The following RPRD2 variants were observed in gnomAD, a reference collection of about 807,000 sequenced individuals.
The protein encoded by RPRD2 is regulation of nuclear pre-mRNA domain containing 2, also known as regulation of nuclear pre-mRNA domain-containing protein 2.
In RPRD2, 12 loss-of-function variants were observed where a neutral mutation model predicts 104.4. The ratio of observed to expected loss-of-function variants is 0.11; its 90% confidence interval spans 0.07 to 0.19. RPRD2 has a LOEUF of 0.19. RPRD2 is among the 10% of genes least tolerant of loss of function. The pLI, the probability that RPRD2 is intolerant of heterozygous loss-of-function variation, is 1.00. For synonymous variants in RPRD2, 714 were observed against 684.9 expected (o/e 1.04, Z -0.66); for missense variants, 1,543 against 1,790.1 (o/e 0.86, Z 2.49).
intron 2 of RPRD2, among the ~76,000 whole-genome samples, chr1:150,434,109 C>T (rs1327248230): frequency 1.3e-5 from 2 of 152,138 alleles, no homozygotes; most frequent in African/African-American, 4.8e-5. Context: ...AATCCCAGCA[C>T]TTTGGGAGGC....
rs879946719 is a variant in RPRD2, at chr1:150,365,737, C to T, written c.205+818C>T. ...CGCGAGTAGTCGGGATTACAGGCGC[C>T]CGCCACCATGTCCGGCTAATTATTT... On this transcript the variant is annotated intron_variant, in intron 1 of 10. Coordinates refer to ENST00000369068, the MANE Select transcript of RPRD2 (RefSeq NM_015203.5). 3.6e-4 allele frequency among the ~76,000 whole-genome samples: 54 copies of T among 151,992 alleles called. 2 individuals carry two copies. The highest frequency in any genetic ancestry group is 8.3e-4 in the South Asian group (4 of 4,824).
At position 150,452,661 on chromosome 1, in the gene RPRD2, C is replaced by CCTTTT. The variant is rs1553896876; in HGVS notation, c.871-4627_871-4626insCTTTT. 5.6e-5 allele frequency among the ~76,000 whole-genome samples: 4 copies of CCTTTT among 71,232 alleles called. 1 individual carries two copies. Among genetic ancestry groups the CCTTTT allele is most frequent in the African/African-American group, 1.1e-4 (2 of 17,454 alleles). 46.7% of individuals were successfully genotyped at this position (71,232 alleles called of 152,430 possible). A position where few individuals can be genotyped will look rare whatever the true frequency, so the allele number is the denominator to read the frequency against. ...TTTCTGTGTTCTTTTGACATATCCCCTTTTTTTTTTTTTTTTTTTTTTTTT... is the reference window on the plus strand; with the variant it reads ...TTTCTGTGTTCTTTTGACATATCCCCCTTTTTTTTTTTTTTTTTTTTTTTTTTTTT... On this transcript the variant is annotated intron_variant, in intron 7 of 10. Coordinates refer to ENST00000369068, the MANE Select transcript of RPRD2 (RefSeq NM_015203.5).
chr1:150,416,872 CAAA>C (rs782463847), intron 1 of RPRD2, among the ~76,000 whole-genome samples: 2,871 of 72,458 alleles, frequency 0.04, 137 homozygotes, highest in African/African-American at 0.14. Flanking sequence ...ACTCCATCTC[CAAA>C]AAAAAAAAAA....
In RPRD2 at chr1:150,364,164, G is replaced by C. The variant is rs1034450301; in HGVS notation, c.-551G>C. Among the ~76,000 whole-genome samples the C allele has an allele frequency of 1.3e-5, 2 of 152,176 alleles. No individual in the cohort carries two copies. The highest frequency in any genetic ancestry group is 4.8e-5 in the African/African-American group (2 of 41,456). ...TGCGCGATACTGTTGCTGCCCCTTT[G>C]CTGCTATTGCGTTGCAAAAAAAATC... On this transcript the variant is annotated 5_prime_UTR_variant, in exon 1 of 11. Coordinates refer to ENST00000369068, the MANE Select transcript of RPRD2 (RefSeq NM_015203.5).
At chr1:150,422,877 G>A (rs983219399) in intron 2 of RPRD2, among the ~76,000 whole-genome samples, 9 of 152,120 alleles carry the variant, frequency 5.9e-5, no homozygotes, top group Non-Finnish European at 1.2e-4. Context: ...GTTAAAAGAG[G>A]TGCCCAAATA....
In RPRD2 at chr1:150,384,639, T is replaced by TTGTGTGTG. The variant is rs71086504; in HGVS notation, c.205+19756_205+19763dup. Among the ~76,000 whole-genome samples, 224 of 133,384 alleles carry TTGTGTGTG rather than the reference T, an allele frequency of 1.7e-3. 1 individual carries two copies. Among genetic ancestry groups the TTGTGTGTG allele is most frequent in the African/African-American group, 5.0e-3 (178 of 35,502 alleles). The allele number at this position is 133,384 out of a possible 152,430, so 87.5% of individuals were successfully genotyped here. A position where few individuals can be genotyped will look rare whatever the true frequency, so the allele number is the denominator to read the frequency against. On this transcript the variant is annotated intron_variant, in intron 1 of 10. Transcript: ENST00000369068. ...GCGCCTGCCACCACGCCTGGCTAAT[T>TTGTGTGTG]TGTGTGTGTGTGTGTGTGTGTGTGT...
At position 150,457,404 on chromosome 1, in the gene RPRD2, C is replaced by T. The variant is rs201447633; in HGVS notation, c.987C>T (p.Pro329=). 155 of 1,613,896 alleles carry T rather than the reference C, an allele frequency of 9.6e-5. No individual in the cohort carries two copies. Among genetic ancestry groups the T allele is most frequent in the East Asian group, 3.1e-4 (14 of 44,868 alleles). Reference sequence around the variant, plus strand: ...TTCCTTCCCCAAGCATGGACGCTCCCTCCCCGACTGGTTCTGAGTCTCCTT... The same window carrying T: ...TTCCTTCCCCAAGCATGGACGCTCCTTCCCCGACTGGTTCTGAGTCTCCTT... The part of the protein sequence containing the change: ...SPVPSPSMDA[P]SPTGSESPFQ... The change falls in exon 8 of 11, where the codon CCC becomes CCT. Residue 329 remains proline, a synonymous_variant. Transcript: ENST00000369068.
intron 1 of RPRD2, among the ~76,000 whole-genome samples, chr1:150,401,381 G>A (rs961755250): frequency 2.0e-5 from 3 of 151,792 alleles, no homozygotes; most frequent in Non-Finnish European, 4.4e-5. Context: ...ACAGCTACTC[G>A]GGACGCCAAG....
intron 1 of RPRD2, among the ~76,000 whole-genome samples, chr1:150,374,990 C>T (rs1450360684): frequency 1.3e-5 from 2 of 150,044 alleles, no homozygotes. Flanking sequence ...CTCTCCCTCC[C>T]CTTTAGATGC....
In RPRD2 at chr1:150,472,045, G is replaced by A. The variant is rs1317560129; in HGVS notation, c.3097G>A (p.Gly1033Ser). 1 of 1,613,648 alleles carries A rather than the reference G, an allele frequency of 6.2e-7. No homozygotes were observed. Among genetic ancestry groups the A allele is most frequent in the Non-Finnish European group, 8.5e-7 (1 of 1,179,868 alleles). Reference protein sequence around the residue: ...DKHFGQAPSKGTPSDGVSLSN... With the variant: ...DKHFGQAPSKSTPSDGVSLSN... Reference sequence around the variant, plus strand: ...GCATTTTGGCCAGGCTCCCAGCAAGGGCACTCCAAGTGATGGTGTCAGTCT... The same window carrying A: ...GCATTTTGGCCAGGCTCCCAGCAAGAGCACTCCAAGTGATGGTGTCAGTCT... Residue 1033 changes from glycine to serine, a missense_variant, in exon 11 of 11, where the codon GGC becomes AGC. Gly to Ser is a moderately conservative substitution (Grantham distance 56). This residue lies in a region of RPRD2 where 880 missense variants were observed against 885.6 expected (regional missense o/e 0.99). Transcript: ENST00000369068.
chr1:150,417,906 C>G (rs1241749907), intron 2 of RPRD2, among the ~76,000 whole-genome samples, 181 bp downstream of exon 2: 2 of 146,710 alleles, frequency 1.4e-5, no homozygotes, highest in African/African-American at 5.2e-5. Context: ...CTTTTCTTTT[C>G]TTTTTCTCTC....
At chr1:150,367,583 G>GTAAC (rs34258134) in intron 1 of RPRD2, among the ~76,000 whole-genome samples, 74,084 of 151,510 alleles carry the variant, frequency 0.49, 18,339 homozygotes, top group African/African-American at 0.54. Context: ...ATAAATTTAA[G>GTAAC]TAACTATTAG....
Position 150,364,273 on chromosome 1 carries a change from G to C in RPRD2, c.-442G>C, listed in dbSNP as rs369949026. On this transcript the variant is annotated 5_prime_UTR_variant, in exon 1 of 11. Coordinates refer to ENST00000369068, the MANE Select transcript of RPRD2 (RefSeq NM_015203.5). ...CTGCAACTGAAGGGGCAGTCGGGTA[G>C]TATTACATTTAAGATATTAACGCCC... Among the ~76,000 whole-genome samples the C allele has an allele frequency of 3.9e-5, 6 of 152,172 alleles. 1 individual carries two copies. The highest frequency in any genetic ancestry group is 1.4e-4 in the African/African-American group (6 of 41,428).
intron 1 of RPRD2, among the ~76,000 whole-genome samples, chr1:150,380,909 C>G (rs1661076389): frequency 1.3e-5 from 2 of 152,180 alleles, no homozygotes; most frequent in Non-Finnish European, 2.9e-5. Flanking sequence ...CCCGGCTTGG[C>G]CTCCCAAAGT....
At chr1:150,461,555 T>A (rs782575158) in intron 9 of RPRD2, among the ~76,000 whole-genome samples, 3 of 152,156 alleles carry the variant, frequency 2.0e-5, no homozygotes, top group Non-Finnish European at 4.4e-5. Context: ...TTTACTGTTA[T>A]GAAGAATACT....
At chr1:150,379,937 C>T (rs1160521852) in intron 1 of RPRD2, among the ~76,000 whole-genome samples, 8 of 152,174 alleles carry the variant, frequency 5.3e-5, no homozygotes, top group Admixed American at 1.3e-4. Context: ...TTTCTGAAAC[C>T]AAAATATAGA....
chr1:150,366,662 A>G (rs961569147), intron 1 of RPRD2, among the ~76,000 whole-genome samples: 14 of 152,186 alleles, frequency 9.2e-5, no homozygotes, highest in Non-Finnish European at 2.1e-4. Context: ...GCTTAAGGTT[A>G]CTCAGTAAAA....
chr1:150,405,190 A>T (rs1395319258), intron 1 of RPRD2, among the ~76,000 whole-genome samples: 1 of 152,218 alleles, frequency 6.6e-6, no homozygotes, highest in Non-Finnish European at 1.5e-5. Context: ...CTAGATAATC[A>T]TATGTAACAA....
At chr1:150,380,484 A>G (rs1188261138) in intron 1 of RPRD2, among the ~76,000 whole-genome samples, 2 of 150,000 alleles carry the variant, frequency 1.3e-5, no homozygotes, top group Non-Finnish European at 3.0e-5. Flanking sequence ...AGTAGCTGGG[A>G]TTATAGGCAT....
Sources: gnomAD v4.1 joint callset for allele counts (sites outside exome capture counted in the v4.1 genomes callset) on GRCh38, gnomAD v4.1.1 for gene constraint, gnomAD v4.1.1 regional missense constraint, MANE v1.5 for transcripts, NCBI Gene and HGNC (gene_info 2026-07-23, HGNC 2026-07-21) for gene names.